The following TBC1D1 variants were observed in gnomAD, a reference collection of about 807,000 sequenced individuals.
TBC1D1 encodes the protein TBC1 (tre-2/USP6, BUB2, cdc16) domain family, member 1.
TBC1D1 carries 89 observed loss-of-function variants against 125.6 expected under a neutral mutation model. The ratio of observed to expected loss-of-function variants is 0.71; its 90% confidence interval spans 0.60 to 0.85. TBC1D1 has a LOEUF of 0.85. Among genes scored for constraint, TBC1D1 ranks in the 40% least tolerant of loss-of-function variants. TBC1D1 has a pLI of 0.00. For missense variants in TBC1D1, 1,377 were observed against 1,469.2 expected, an observed-to-expected ratio of 0.94 and a Z score of 1.03; for synonymous variants, 565 against 564.1, an observed-to-expected ratio of 1.00 and a Z score of -0.02.
intron 2 of TBC1D1, among the ~76,000 whole-genome samples, chr4:37,925,166 C>T (rs192127889): frequency 6.6e-6 from 1 of 152,362 alleles, no homozygotes. Flanking sequence ...AGTCACACGT[C>T]ATACCTAGTG....
intron 2 of TBC1D1, chr4:37,960,625 T>C: frequency 2.5e-6 from 4 of 1,614,194 alleles, no homozygotes; most frequent in Non-Finnish European, 3.4e-6. Flanking sequence ...AGAAAGGCTT[T>C]GGGCACTGTC....
chr4:37,956,958 G>C (rs201947222), intron 2 of TBC1D1, among the ~76,000 whole-genome samples: 2 of 145,046 alleles, frequency 1.4e-5, no homozygotes, highest in Admixed American at 6.9e-5. Flanking sequence ...AAAAAAAAAA[G>C]AAGGGAGTGT....
At chr4:38,000,050 T>G (rs1738681340) in intron 2 of TBC1D1, among the ~76,000 whole-genome samples, 1 of 152,150 alleles carries the variant, frequency 6.6e-6, no homozygotes, top group South Asian at 2.1e-4. Flanking sequence ...CCCATTAGAG[T>G]TTGCTCTTCA....
chr4:38,057,986 TCC>T (rs1416869839), intron 12 of TBC1D1, among the ~76,000 whole-genome samples: 2 of 152,196 alleles, frequency 1.3e-5, no homozygotes, highest in Admixed American at 1.3e-4. Flanking sequence ...CACAGGAAGC[TCC>T]CTATAGGCAT....
At chr4:38,053,603 G>A (rs1372764007) in intron 11 of TBC1D1, among the ~76,000 whole-genome samples, 1 of 152,142 alleles carries the variant, frequency 6.6e-6, no homozygotes, top group African/African-American at 2.4e-5. Flanking sequence ...AAATTGGAAG[G>A]GCCTTCTCAG....
At chr4:38,071,661 TCCTGA>T (rs909729426) in intron 12 of TBC1D1, among the ~76,000 whole-genome samples, 21 of 152,186 alleles carry the variant, frequency 1.4e-4, no homozygotes, top group Non-Finnish European at 2.6e-4. Flanking sequence ...GCTTTACTCT[TCCTGA>T]AGTGGTGTGG....
In TBC1D1 at chr4:38,049,707, G is replaced by A. The variant is rs372454900; in HGVS notation, c.1719G>A (p.Ser573=). ...CCTCGGAGGACCTGTCCAGTGACTC[G>A]GAGAGTCATCTCCCAGAAGAGCCAG... Residue 573 remains serine, a synonymous_variant, in exon 11 of 20, where the codon TCG becomes TCA. Coordinates refer to ENST00000261439, the MANE Select transcript of TBC1D1 (RefSeq NM_015173.4). The A allele has an allele frequency of 1.8e-5, 29 of 1,614,074 alleles. No homozygotes were observed. Among genetic ancestry groups the A allele is most frequent in the South Asian group, 4.4e-5 (4 of 91,082 alleles).
At chr4:38,054,064 A>T in intron 11 of TBC1D1, 135 bp from the exon 14 acceptor site, 1 of 975,130 alleles carries the variant, frequency 1.0e-6, no homozygotes, top group South Asian at 1.6e-5. Context: ...TGAGCTTGAT[A>T]TAACTTCTGT....
At chr4:37,945,177 CA>C in intron 2 of TBC1D1, among the ~76,000 whole-genome samples, 1 of 152,128 alleles carries the variant, frequency 6.6e-6, no homozygotes, top group South Asian at 2.1e-4. Context: ...GCTCTTGGTC[CA>C]AGTATAAGGT....
intron 18 of TBC1D1, among the ~76,000 whole-genome samples, chr4:38,129,427 TTGCTCACA>T (rs1158999956): frequency 6.6e-6 from 1 of 152,142 alleles, no homozygotes; most frequent in African/African-American, 2.4e-5. Flanking sequence ...TTGTTGAAAA[TTGCTCACA>T]TGCAGTGGTA....
intron 2 of TBC1D1, among the ~76,000 whole-genome samples, chr4:37,955,937 G>T (rs143090381): frequency 6.6e-6 from 1 of 151,798 alleles, no homozygotes; most frequent in Non-Finnish European, 1.5e-5. Context: ...AGGAGTTTGA[G>T]ACCAGCCTGG....
chr4:37,954,917 C>T (rs1364821856), intron 2 of TBC1D1, among the ~76,000 whole-genome samples: 3 of 111,648 alleles, frequency 2.7e-5, no homozygotes, highest in East Asian at 3.3e-4. Flanking sequence ...GACGGAGTCT[C>T]TCTCTGTCGT....
At chr4:38,035,857 A>G (rs1029995584) in intron 8 of TBC1D1, among the ~76,000 whole-genome samples, 159 bp downstream of exon 8, 3 of 152,106 alleles carry the variant, frequency 2.0e-5, no homozygotes, top group African/African-American at 4.8e-5. Context: ...GTGTTAGACT[A>G]TGTATGCTTG....
intron 2 of TBC1D1, among the ~76,000 whole-genome samples, chr4:37,982,962 C>G (rs1734655875): frequency 6.6e-6 from 1 of 152,120 alleles, no homozygotes; most frequent in African/African-American, 2.4e-5. Context: ...CTTGGTGGAG[C>G]TGCACTCACA....
At chr4:37,987,942 G>A (rs764417735) in intron 2 of TBC1D1, among the ~76,000 whole-genome samples, 18 of 152,216 alleles carry the variant, frequency 1.2e-4, no homozygotes, top group Non-Finnish European at 2.4e-4. Context: ...TACTGTGGAT[G>A]TTTTATCGGC....
At chr4:38,052,335 G>T (rs1369662226) in intron 11 of TBC1D1, among the ~76,000 whole-genome samples, 20 of 141,196 alleles carry the variant, frequency 1.4e-4, no homozygotes, top group African/African-American at 2.3e-4. Flanking sequence ...GTTTGTGTTT[G>T]TTTTTTTTTT....
intron 5 of TBC1D1, 149 bp downstream of exon 5, chr4:38,020,844 GCTAATACACAT>G: frequency 1.8e-6 from 1 of 560,838 alleles, no homozygotes; most frequent in South Asian, 2.3e-5. Context: ...TTAGTAAGCA[GCTAATACACAT>G]CTGAAGCTTA....
intron 2 of TBC1D1, among the ~76,000 whole-genome samples, chr4:37,902,746 A>C (rs2152228321): frequency 6.6e-6 from 1 of 152,386 alleles, no homozygotes; most frequent in East Asian, 1.9e-4. Flanking sequence ...AAGAGAAATC[A>C]GTCTAAAACT....
chr4:37,914,955 T>G (rs1264696316), intron 2 of TBC1D1, among the ~76,000 whole-genome samples: 1 of 152,236 alleles, frequency 6.6e-6, no homozygotes, highest in Non-Finnish European at 1.5e-5. Context: ...GCCTTCATAT[T>G]ACTCATCATT....
Sources: allele counts gnomAD v4.1 joint callset (sites outside exome capture counted in the v4.1 genomes callset), GRCh38; gene constraint gnomAD v4.1.1; transcripts MANE v1.5; gene names NCBI Gene and HGNC (gene_info 2026-07-23, HGNC 2026-07-21).